The following BRWD1 variants were observed in gnomAD, a reference collection of about 807,000 sequenced individuals.
The protein encoded by BRWD1 is bromodomain and WD repeat-containing protein 1.
BRWD1 carries 82 observed loss-of-function variants against 251.2 expected under a neutral mutation model. The ratio of observed to expected loss-of-function variants is 0.33; its 90% confidence interval spans 0.27 to 0.39. The LOEUF is 0.39. Among genes scored for constraint, BRWD1 ranks in the 10% least tolerant of loss-of-function variants. The pLI is 1.00. For synonymous variants in BRWD1, 918 were observed against 902.8 expected (o/e 1.02, Z -0.30); for missense variants, 2,233 against 2,711.6 (o/e 0.82, Z 3.92).
At chr21:39,198,742 A>C in intron 40 of BRWD1, 21 bp downstream of exon 40, 1 of 1,540,342 alleles carries the variant, frequency 6.5e-7, no homozygotes, top group African/African-American at 1.4e-5. Context: ...TCAGTGAACA[A>C]AGATAAATGT....
At position 39,240,907 on chromosome 21, in the gene BRWD1, T is replaced by TG. The variant is rs200946891; in HGVS notation, c.2482-2335_2482-2334insC. ...ACCACAGGGTAAGTAAATCTTTTTT[T>TG]TTTTGTTTTTTGAGACAGAGTTTCA... On this transcript the variant is annotated intron_variant, in intron 21 of 40. Transcript: ENST00000342449. Among the ~76,000 whole-genome samples, 424 of 151,936 alleles carry TG rather than the reference T, an allele frequency of 2.8e-3. 2 individuals are homozygous for TG. The highest frequency in any genetic ancestry group is 9.7e-3 in the African/African-American group (401 of 41,438).
intron 25 of BRWD1, among the ~76,000 whole-genome samples, chr21:39,229,859 G>A (rs1037737407): frequency 1.3e-5 from 2 of 151,880 alleles, no homozygotes; most frequent in African/African-American, 2.4e-5. Flanking sequence ...TCAGCTTCCC[G>A]AGTACCTGGG....
intron 4 of BRWD1, among the ~76,000 whole-genome samples, chr21:39,305,929 G>A (rs1343300210): frequency 6.6e-6 from 1 of 151,880 alleles, no homozygotes; most frequent in Non-Finnish European, 1.5e-5. Flanking sequence ...AGCTACTTGG[G>A]ACACTGAATC....
At chr21:39,292,920 G>A (rs2035856861) in intron 8 of BRWD1, among the ~76,000 whole-genome samples, 1 of 152,156 alleles carries the variant, frequency 6.6e-6, no homozygotes, top group Admixed American at 6.5e-5. Context: ...TGTGATAATG[G>A]TGTTGCAGTT....
At chr21:39,277,014 T>C (rs1372080309) in intron 11 of BRWD1, among the ~76,000 whole-genome samples, 1 of 152,196 alleles carries the variant, frequency 6.6e-6, no homozygotes, top group Non-Finnish European at 1.5e-5. Flanking sequence ...ATTTTAACTG[T>C]CAAATAGAAT....
In BRWD1 at chr21:39,187,682, T is replaced by C; in HGVS notation, c.*8577A>G. 3.0e-6 allele frequency: 3 copies of C among 985,408 alleles called. No homozygotes were observed. The highest frequency in any genetic ancestry group is 1.7e-5 in the African/African-American group (1 of 57,358). The allele number at this position is 985,408 out of a possible 1,614,324, so 61.0% of individuals were successfully genotyped here. On this transcript the variant is annotated 3_prime_UTR_variant, in exon 41 of 41. Coordinates refer to ENST00000342449, the MANE Select transcript of BRWD1 (RefSeq NM_033656.4). The stretch of plus-strand genomic sequence containing the variant: ...AAAAGTTCCTTCAGCATCGGCATCA[T>C]AAAGCTGCTAATCTAAAAACATATA...
chr21:39,219,688 A>G (rs1461256910), intron 29 of BRWD1: 2 of 152,236 alleles, frequency 1.3e-5, no homozygotes, highest in Non-Finnish European at 2.9e-5. Flanking sequence ...CAAGTTTTAT[A>G]TAGAGCATTC....
At chr21:39,301,169 G>A (rs1343595540) in intron 4 of BRWD1, among the ~76,000 whole-genome samples, 4 of 146,818 alleles carry the variant, frequency 2.7e-5, no homozygotes, top group East Asian at 4.0e-4. Flanking sequence ...ACAGAGCAAG[G>A]CTCCCACAAA....
intron 21 of BRWD1, among the ~76,000 whole-genome samples, chr21:39,246,595 G>C (rs147663618): frequency 0.029 from 4,454 of 152,190 alleles, 98 homozygotes; most frequent in Non-Finnish European, 0.043. Context: ...CAGCCAAAAA[G>C]TGGAAACAAT....
chr21:39,241,473 T>TAAAAAAAAAAAAAAAAAAAAAAAAA (rs61488970), intron 21 of BRWD1, among the ~76,000 whole-genome samples: 6 of 44,920 alleles, frequency 1.3e-4, no homozygotes, highest in African/African-American at 2.1e-4. Flanking sequence ...ATCTCCAAAG[T>TAAAAAAAAAAAAAAAAAAAAAAAAA]AAAAAAAAAA....
chr21:39,188,749 G>A lies in BRWD1; in HGVS notation c.*7510C>T, dbSNP rs1878600498. Reference sequence around the variant, plus strand: ...TCAGTTGAGCGTTCTCCCCAGAATAGGTTAGGAAATACTTTATTCAAAGCA... The same window carrying A: ...TCAGTTGAGCGTTCTCCCCAGAATAAGTTAGGAAATACTTTATTCAAAGCA... On this transcript the variant is annotated 3_prime_UTR_variant, in exon 41 of 41. Transcript: ENST00000342449. 1.0e-6 allele frequency: 1 copy of A among 985,258 alleles called. No homozygotes were observed. The highest frequency in any genetic ancestry group is 6.1e-5 in the Admixed American group (1 of 16,266). 61.0% of individuals were successfully genotyped at this position (985,258 alleles called of 1,614,324 possible). A position where few individuals can be genotyped will look rare whatever the true frequency, so the allele number is the denominator to read the frequency against.
intron 29 of BRWD1, 86 bp downstream of exon 29, chr21:39,224,322 A>T: frequency 1.4e-6 from 1 of 717,380 alleles, no homozygotes; most frequent in Non-Finnish European, 2.2e-6. Context: ...TTGATCATAG[A>T]ATACAAATAT....
intron 4 of BRWD1, among the ~76,000 whole-genome samples, chr21:39,299,177 C>A (rs1220947915): frequency 6.6e-6 from 1 of 151,658 alleles, no homozygotes; most frequent in Non-Finnish European, 1.5e-5. Context: ...GAGCTGGGAT[C>A]GTGCCATTGC....
rs1379132701 is a variant in BRWD1 at position 39,217,343 on chromosome 21, G to A, written c.3659+809C>T. The A allele has an allele frequency of 5.0e-4, 8 of 15,928 alleles. No individual in the cohort carries two copies. In the Admixed American group the frequency reaches 6.0e-3, roughly 12 times the overall value. 1.0% of individuals were successfully genotyped at this position (15,928 alleles called of 1,614,324 possible). A position where few individuals can be genotyped will look rare whatever the true frequency, so the allele number is the denominator to read the frequency against. ...ACTCCTGACCTCAGGTGATCTACCC[G>A]CCTGGGCCTCATGAAAGTGCTGGGA... On this transcript the variant is annotated intron_variant, in intron 31 of 40. Coordinates refer to ENST00000342449, the MANE Select transcript of BRWD1 (RefSeq NM_033656.4).
intron 31 of BRWD1, 54 bp from the exon 32 acceptor site, chr21:39,215,416 AGT>A: frequency 6.6e-7 from 1 of 1,514,616 alleles, no homozygotes; most frequent in Non-Finnish European, 9.0e-7. Flanking sequence ...ATAGAAACCA[AGT>A]GAAAAAATGC....
intron 29 of BRWD1, chr21:39,219,574 A>G (rs2033090363): frequency 6.6e-6 from 1 of 152,274 alleles, no homozygotes; most frequent in Non-Finnish European, 1.5e-5. Flanking sequence ...GAACAAGGGC[A>G]TTGGGAAGAG....
At chr21:39,248,226 T>C (rs1476875572) in intron 20 of BRWD1, among the ~76,000 whole-genome samples, 1 of 152,030 alleles carries the variant, frequency 6.6e-6, no homozygotes, top group African/African-American at 2.4e-5. Context: ...TACATAGGTG[T>C]AAAGAAAAAA....
At chr21:39,227,763 G>C (rs951737659) in intron 27 of BRWD1, among the ~76,000 whole-genome samples, 2 of 152,054 alleles carry the variant, frequency 1.3e-5, no homozygotes, top group African/African-American at 2.4e-5. Flanking sequence ...GGGTATACCA[G>C]AACATTTTCA....
chr21:39,203,697 G>A (rs1424954355), intron 37 of BRWD1, among the ~76,000 whole-genome samples: 12 of 150,672 alleles, frequency 8.0e-5, no homozygotes, highest in African/African-American at 2.4e-4. Context: ...GTGAGCCACC[G>A]CGCCCAGCCG....
Sources: gnomAD v4.1 joint callset for allele counts (sites outside exome capture counted in the v4.1 genomes callset) on GRCh38, gnomAD v4.1.1 for gene constraint, MANE v1.5 for transcripts, NCBI Gene and HGNC (gene_info 2026-07-23, HGNC 2026-07-21) for gene names.